The following NAV3 variants were observed in gnomAD, a reference collection of about 807,000 sequenced individuals.
The protein encoded by NAV3 is neuron navigator 3.
Under a neutral mutation model 244.7 loss-of-function variants are expected in NAV3, and 87 were observed. That is an observed-to-expected ratio of 0.36 (90% CI 0.30 to 0.42). The LOEUF is 0.42. NAV3 is among the 20% of genes least tolerant of loss of function. NAV3 has a pLI of 1.00. For synonymous variants in NAV3, 1,126 were observed against 1,042.2 expected, an observed-to-expected ratio of 1.08 and a Z score of -1.55; for missense variants, 2,663 against 2,893.3, an observed-to-expected ratio of 0.92 and a Z score of 1.83.
chr12:77,797,373 G>T (rs982589271), intron 2 of NAV3, among the ~76,000 whole-genome samples: 4 of 151,790 alleles, frequency 2.6e-5, no homozygotes, highest in Non-Finnish European at 5.9e-5. Context: ...CAGCCCATTT[G>T]TGACTTTCAA....
chr12:77,664,786 A>G (rs1873641182), intron 2 of NAV3, among the ~76,000 whole-genome samples: 2 of 152,356 alleles, frequency 1.3e-5, no homozygotes, highest in Middle Eastern at 3.4e-3. Context: ...CAATTTATTC[A>G]TATTTGTTCA....
At position 78,197,241 on chromosome 12, in the gene NAV3, TA is replaced by T; in HGVS notation, c.6292-2del. 1 of 1,517,552 alleles carries T rather than the reference TA, an allele frequency of 6.6e-7. No individual in the cohort carries two copies. Among genetic ancestry groups the T allele is most frequent in the Non-Finnish European group, 8.8e-7 (1 of 1,130,270 alleles). The allele number at this position is 1,517,552 out of a possible 1,614,324, so 94.0% of individuals were successfully genotyped here. On this transcript the variant is annotated splice_polypyrimidine_tract_variant and splice_region_variant and intron_variant, in intron 34 of 39. Coordinates refer to ENST00000397909, the MANE Select transcript of NAV3 (RefSeq NM_001024383.2). ...TGACGTATCTGTTTTCTTCATTTTT[TA>T]AAAGGAATTGCAACAATATCTAGCT...
Position 78,058,453 on chromosome 12 carries a change from T to C in NAV3, c.2517-543T>C, listed in dbSNP as rs912403899. Reference sequence around the variant, plus strand: ...CAGTTATCTCTATCTGCCCCCTCCCTTGACACATGGGGATTATTACAATTC... The same window carrying C: ...CAGTTATCTCTATCTGCCCCCTCCCCTGACACATGGGGATTATTACAATTC... On this transcript the variant is annotated intron_variant, in intron 11 of 39. Transcript: ENST00000397909. 3.3e-5 allele frequency among the ~76,000 whole-genome samples: 5 copies of C among 152,238 alleles called. No homozygotes were observed. The East Asian group carries it at 9.7e-4, about 29-fold the overall frequency.
intron 23 of NAV3, among the ~76,000 whole-genome samples, chr12:78,165,270 T>C (rs975874338): frequency 7.2e-5 from 11 of 152,062 alleles, no homozygotes; most frequent in Non-Finnish European, 1.0e-4. Flanking sequence ...TAACAAAATA[T>C]GATCTGATTA....
intron 15 of NAV3, 72 bp from the exon 16 acceptor site, chr12:78,121,868 T>C (rs1019717241): frequency 1.1e-5 from 18 of 1,573,212 alleles, no homozygotes; most frequent in Non-Finnish European, 1.6e-5. Flanking sequence ...CTCTGTGTAC[T>C]GTAACCCGAA....
rs1219782392 is a variant in NAV3, at chr12:78,007,276, C to T, written c.1738C>T (p.Pro580Ser). 1.2e-6 allele frequency: 2 copies of T among 1,614,180 alleles called. No homozygotes were observed. The highest frequency in any genetic ancestry group is 1.7e-6 in the Non-Finnish European group (2 of 1,180,026). The change falls in exon 8 of 40, where the codon CCT (proline) becomes TCT (serine). Residue 580 changes from proline to serine, a missense_variant. Physicochemically the swap from Pro to Ser is moderately conservative, Grantham distance 74. Transcript: ENST00000397909. ...GGAGAAAGCAAGTGCTTCTAGTTGT[C>T]CTGCCCCTTTGGAAGGAAGGGAAGC... is the stretch of plus-strand genomic sequence containing the variant. ...TMEKASASSC[P>S]APLEGREAGQ...
chr12:78,176,162 A>G (rs546973647), intron 25 of NAV3, among the ~76,000 whole-genome samples: 14 of 152,118 alleles, frequency 9.2e-5, no homozygotes, highest in Admixed American at 7.2e-4. Flanking sequence ...CAATAGCTAA[A>G]TAGCCCAGGG....
intron 12 of NAV3, among the ~76,000 whole-genome samples, chr12:78,067,109 A>C (rs1885106552): frequency 6.6e-6 from 1 of 152,080 alleles, no homozygotes; most frequent in Admixed American, 6.6e-5. Flanking sequence ...CCAAGCAAAT[A>C]TCTCTGGGAT....
At chr12:77,914,453 T>C (rs1398077463) in intron 1 of NAV3, among the ~76,000 whole-genome samples, 1 of 152,112 alleles carries the variant, frequency 6.6e-6, no homozygotes, top group Non-Finnish European at 1.5e-5. Context: ...TACAGATGTT[T>C]CCATGTCATG....
intron 1 of NAV3, among the ~76,000 whole-genome samples, chr12:77,929,575 G>A (rs1302738356): frequency 2.0e-5 from 3 of 151,900 alleles, no homozygotes; most frequent in Non-Finnish European, 4.4e-5. Flanking sequence ...TTGGTTTTCT[G>A]TATCCCTACC....
chr12:78,000,835 T>G (rs1226722896), intron 7 of NAV3, among the ~76,000 whole-genome samples: 2 of 149,168 alleles, frequency 1.3e-5, no homozygotes, highest in African/African-American at 2.5e-5. Flanking sequence ...AAAATTAGCC[T>G]GGCATGGTGG....
In NAV3 at chr12:78,210,701, T is replaced by G; in HGVS notation, c.*184T>G. On this transcript the variant is annotated 3_prime_UTR_variant, in exon 40 of 40. Transcript: ENST00000397909. Reference sequence around the variant, plus strand: ...CAAGATGCTAAATTGCAATGGAAGCTTAACTTTAGTTTATTTCTAAGCATT... The same window carrying G: ...CAAGATGCTAAATTGCAATGGAAGCGTAACTTTAGTTTATTTCTAAGCATT... 1.6e-6 allele frequency: 1 copy of G among 640,758 alleles called. No homozygotes were observed. The highest frequency in any genetic ancestry group is 2.1e-5 in the South Asian group (1 of 47,874). 39.7% of individuals were successfully genotyped at this position (640,758 alleles called of 1,614,324 possible). A position where few individuals can be genotyped will look rare whatever the true frequency, so the allele number is the denominator to read the frequency against.
At chr12:77,921,404 G>A (rs1455172578) in intron 1 of NAV3, among the ~76,000 whole-genome samples, 10 of 151,994 alleles carry the variant, frequency 6.6e-5, no homozygotes, top group Non-Finnish European at 1.5e-5. Flanking sequence ...AGCCAAGGTA[G>A]GAACCATTCA....
chr12:78,065,654 A>G (rs1884929772), intron 12 of NAV3, among the ~76,000 whole-genome samples: 1 of 152,270 alleles, frequency 6.6e-6, no homozygotes, highest in African/African-American at 2.4e-5. Flanking sequence ...CAGTGGCTTT[A>G]TCAAAGTTAG....
At chr12:78,019,624 A>C (rs1009583911) in intron 8 of NAV3, among the ~76,000 whole-genome samples, 7 of 152,150 alleles carry the variant, frequency 4.6e-5, no homozygotes, top group African/African-American at 1.7e-4. Flanking sequence ...GAAGGAATCA[A>C]CTGGATGAAG....
intron 1 of NAV3, among the ~76,000 whole-genome samples, chr12:77,895,201 G>A (rs1285525230): frequency 6.6e-6 from 1 of 152,008 alleles, no homozygotes; most frequent in African/African-American, 2.4e-5. Flanking sequence ...CAGAAATGCA[G>A]ATATTCAATA....
intron 1 of NAV3, among the ~76,000 whole-genome samples, chr12:77,888,900 T>C (rs966042262): frequency 2.6e-5 from 4 of 152,152 alleles, no homozygotes. Context: ...AACTCCATCT[T>C]GTTCTATATA....
At chr12:78,181,760 C>T (rs1397109154) in intron 30 of NAV3, among the ~76,000 whole-genome samples, 1 of 151,954 alleles carries the variant, frequency 6.6e-6, no homozygotes, top group East Asian at 1.9e-4. Flanking sequence ...CGCTTGGAAA[C>T]CAATAATATG....
At position 78,114,633 on chromosome 12, in the gene NAV3, A is replaced by C. The variant is rs1465441187; in HGVS notation, c.2637-2139A>C. Among the ~76,000 whole-genome samples the C allele has an allele frequency of 2.6e-5, 4 of 152,156 alleles. No individual in the cohort carries two copies. The East Asian group carries it at 7.7e-4, about 29-fold the overall frequency. On this transcript the variant is annotated intron_variant, in intron 12 of 39. Transcript: ENST00000397909. Reference sequence around the variant, plus strand: ...CATGTCCATGATTCCATTACCTCCCAACGGGTTCCTCCCATGACACGTGAA... The same window carrying C: ...CATGTCCATGATTCCATTACCTCCCCACGGGTTCCTCCCATGACACGTGAA...
Sources: allele counts gnomAD v4.1 joint callset (sites outside exome capture counted in the v4.1 genomes callset), GRCh38; gene constraint gnomAD v4.1.1; transcripts MANE v1.5; gene names NCBI Gene and HGNC (gene_info 2026-07-23, HGNC 2026-07-21).